NBEA: variants seen among roughly 807,000 people sequenced by gnomAD.
NBEA encodes lysosomal-trafficking regulator 2.
NBEA carries 44 observed loss-of-function variants against 343.4 expected under a neutral mutation model. The ratio of observed to expected loss-of-function variants is 0.13; its 90% confidence interval spans 0.10 to 0.16. The LOEUF is 0.16. NBEA is among the 10% of genes least tolerant of loss of function. The pLI, the probability that NBEA is intolerant of heterozygous loss-of-function variation, is 1.00. For synonymous variants in NBEA, 1,175 were observed against 1,238.7 expected (o/e 0.95, Z 1.08); for missense variants, 2,555 against 3,631.3 (o/e 0.70, Z 7.62).
At chr13:35,148,565 A>G (rs966777402) in intron 18 of NBEA, among the ~76,000 whole-genome samples, 7 of 152,204 alleles carry the variant, frequency 4.6e-5, no homozygotes, top group Non-Finnish European at 8.8e-5. Context: ...AAAAGCACCA[A>G]AATAAAATTT....
intron 44 of NBEA, among the ~76,000 whole-genome samples, chr13:35,566,633 T>C (rs60520888): frequency 0.089 from 13,585 of 152,170 alleles, 710 homozygotes; most frequent in African/African-American, 0.14. Context: ...TAAGGGAGGC[T>C]GAGAAATGTG....
At chr13:35,368,747 C>A (rs1208685747) in intron 38 of NBEA, among the ~76,000 whole-genome samples, 1 of 151,660 alleles carries the variant, frequency 6.6e-6, no homozygotes, top group Non-Finnish European at 1.5e-5. Context: ...AGATTAAAAA[C>A]ATGCAAATGT....
intron 17 of NBEA, among the ~76,000 whole-genome samples, chr13:35,130,466 C>T (rs895893725): frequency 1.3e-5 from 2 of 151,188 alleles, no homozygotes; most frequent in African/African-American, 4.9e-5. Flanking sequence ...AACTTTAAGG[C>T]AAAAAATTTA....
chr13:35,213,988 A>C (rs570965352), intron 33 of NBEA, among the ~76,000 whole-genome samples: 1 of 152,148 alleles, frequency 6.6e-6, no homozygotes, highest in African/African-American at 2.4e-5. Flanking sequence ...TCACATAGAT[A>C]GAATCGACAG....
At chr13:34,991,943 C>T (rs2060764281) in intron 1 of NBEA, among the ~76,000 whole-genome samples, 1 of 147,354 alleles carries the variant, frequency 6.8e-6, no homozygotes, top group Admixed American at 6.8e-5. Flanking sequence ...GAATTGACAG[C>T]ATTTAAAAAA....
chr13:35,190,143 T>G (rs2072069436), intron 30 of NBEA, among the ~76,000 whole-genome samples: 1 of 152,172 alleles, frequency 6.6e-6, no homozygotes, highest in Non-Finnish European at 1.5e-5. Context: ...TTCACAGGGC[T>G]TATTATTATT....
At position 34,992,380 on chromosome 13, in the gene NBEA, G is replaced by A. The variant is rs957054718; in HGVS notation, c.295-48553G>A. 9.3e-5 allele frequency among the ~76,000 whole-genome samples: 14 copies of A among 150,410 alleles called. No homozygotes were observed. In the South Asian group the frequency reaches 1.3e-3, roughly 14 times the overall value. ...AGCTGTTCTCCTGCCTCAGCCTCCC[G>A]AGAAACTGGGAATACAGGCACATGC... On this transcript the variant is annotated intron_variant, in intron 1 of 58. Transcript: ENST00000379939.
intron 11 of NBEA, among the ~76,000 whole-genome samples, chr13:35,108,356 T>A (rs889624619): frequency 4.6e-5 from 7 of 152,036 alleles, no homozygotes; most frequent in Non-Finnish European, 1.0e-4. Context: ...AGCATTTTTT[T>A]AATATTATAG....
At chr13:35,342,880 G>A (rs1188589034) in intron 36 of NBEA, among the ~76,000 whole-genome samples, 7 of 151,422 alleles carry the variant, frequency 4.6e-5, no homozygotes, top group Admixed American at 4.0e-4. Context: ...ACCAATGGAA[G>A]ATTTTTAAAG....
intron 44 of NBEA, among the ~76,000 whole-genome samples, chr13:35,560,265 C>T (rs894915018): frequency 7.2e-5 from 11 of 152,172 alleles, no homozygotes; most frequent in Admixed American, 3.9e-4. Context: ...ATTCCTGGTA[C>T]CATACAACTT....
intron 58 of NBEA, among the ~76,000 whole-genome samples, chr13:35,670,411 G>C (rs753489087): frequency 1.3e-5 from 2 of 152,190 alleles, no homozygotes; most frequent in African/African-American, 2.4e-5. Context: ...TTGGCAATGG[G>C]AAATCAGCAT....
chr13:35,294,925 C>T (rs1020462308), intron 35 of NBEA, among the ~76,000 whole-genome samples: 4 of 151,482 alleles, frequency 2.6e-5, no homozygotes, highest in Non-Finnish European at 2.9e-5. Context: ...TCTTCAGAAA[C>T]CTGAGGTCTG....
At chr13:35,094,945 C>A (rs2065258179) in intron 10 of NBEA, among the ~76,000 whole-genome samples, 1 of 151,704 alleles carries the variant, frequency 6.6e-6, no homozygotes, top group South Asian at 2.1e-4. Context: ...GGAATCTTTA[C>A]TTTTTATGTA....
At chr13:34,958,193 T>A (rs1161137747) in intron 1 of NBEA, among the ~76,000 whole-genome samples, 2 of 152,190 alleles carry the variant, frequency 1.3e-5, no homozygotes, top group African/African-American at 4.8e-5. Flanking sequence ...AAATTATATA[T>A]GTACCTCACA....
intron 38 of NBEA, among the ~76,000 whole-genome samples, chr13:35,380,966 T>G (rs986482685): frequency 1.3e-5 from 2 of 152,218 alleles, no homozygotes; most frequent in Non-Finnish European, 2.9e-5. Context: ...CTGTCCTATT[T>G]GTTAAAAGTT....
chr13:35,198,752 T>C (rs970015701), intron 31 of NBEA, among the ~76,000 whole-genome samples: 9 of 151,646 alleles, frequency 5.9e-5, no homozygotes, highest in African/African-American at 2.2e-4. Context: ...TGAGGTGATA[T>C]TGATGAAAGG....
intron 10 of NBEA, among the ~76,000 whole-genome samples, chr13:35,079,937 C>G (rs1434405366): frequency 1.3e-5 from 2 of 151,988 alleles, no homozygotes; most frequent in Non-Finnish European, 2.9e-5. Flanking sequence ...TACTGCATGG[C>G]TTGAATGATA....
At chr13:35,304,916 T>C (rs530938614) in intron 35 of NBEA, among the ~76,000 whole-genome samples, 8 of 152,290 alleles carry the variant, frequency 5.3e-5, no homozygotes, top group Admixed American at 1.3e-4. Context: ...AACACTGTTA[T>C]ACTAATGTTC....
Position 35,649,713 on chromosome 13 carries a change from T to C in NBEA, c.7829T>C (p.Met2610Thr). 6.2e-7 allele frequency: 1 copy of C among 1,613,994 alleles called. No individual in the cohort carries two copies. The highest frequency in any genetic ancestry group is 8.5e-7 in the Non-Finnish European group (1 of 1,179,870). Residue 2610 changes from methionine (M) to threonine (T), a missense_variant, in exon 52 of 59, where the codon ATG becomes ACG. By Grantham distance (81) the Met-to-Thr change is moderately conservative. Transcript: ENST00000379939. ...FKDQMQQDVIMVLKFPSNSPV... is the reference protein window; with the variant it reads ...FKDQMQQDVITVLKFPSNSPV... ...GATCAGATGCAACAGGATGTGATAA[T>C]GGTGCTGAAGTTTCCTTCAAATTCT...
Sources: gnomAD v4.1 joint callset for allele counts (sites outside exome capture counted in the v4.1 genomes callset) on GRCh38, gnomAD v4.1.1 for gene constraint, MANE v1.5 for transcripts, NCBI Gene and HGNC (gene_info 2026-07-23, HGNC 2026-07-21) for gene names.